GNB1: variants seen among roughly 807,000 people sequenced by gnomAD.
GNB1 encodes G protein subunit beta 1, also known as guanine nucleotide-binding protein G(I)/G(S)/G(T) subunit beta-1.
In GNB1, 2 loss-of-function variants were observed where a neutral mutation model predicts 42.9. That is an observed-to-expected ratio of 0.05 (90% CI 0.02 to 0.15). The LOEUF is 0.15. Among genes scored for constraint, GNB1 ranks in the 10% least tolerant of loss-of-function variants. The pLI, the probability that GNB1 is intolerant of heterozygous loss-of-function variation, is 1.00. For synonymous variants in GNB1, 183 were observed against 174.7 expected (o/e 1.05, Z -0.38); for missense variants, 193 against 462.2 (o/e 0.42, Z 5.34).
chr1:1,871,392 G>A (rs368860604), intron 1 of GNB1, among the ~76,000 whole-genome samples: 43 of 152,024 alleles, frequency 2.8e-4, no homozygotes, highest in Admixed American at 3.3e-4. Context: ...CGTAGGAGGC[G>A]GAGGTTGCAG....
At chr1:1,804,389 C>T (rs766032760) in intron 7 of GNB1, 30 bp downstream of exon 7, 2 of 1,560,848 alleles carry the variant, frequency 1.3e-6, no homozygotes, top group Non-Finnish European at 1.8e-6. Context: ...CAGCTTGTGT[C>T]ACTTGAAGCT....
intron 4 of GNB1, among the ~76,000 whole-genome samples, chr1:1,816,644 CTTTTTTTT>C (rs59065707): frequency 9.2e-6 from 1 of 108,638 alleles, no homozygotes; most frequent in African/African-American, 3.2e-5. Context: ...TTTTTATTAT[CTTTTTTTT>C]TTTTTTTTTT....
chr1:1,883,173 G>C (rs1649948033), intron 1 of GNB1, among the ~76,000 whole-genome samples: 1 of 150,844 alleles, frequency 6.6e-6, no homozygotes, highest in Non-Finnish European at 1.5e-5. Context: ...TTGTGAGACT[G>C]AGAGAAGAAG....
intron 1 of GNB1, among the ~76,000 whole-genome samples, chr1:1,877,328 T>TACAC (rs1209756656): frequency 6.2e-4 from 91 of 147,732 alleles, no homozygotes; most frequent in East Asian, 2.9e-3. Flanking sequence ...TATATATATA[T>TACAC]ATACACACAC....
chr1:1,862,805 G>C (rs915384971), intron 1 of GNB1, among the ~76,000 whole-genome samples: 2 of 152,114 alleles, frequency 1.3e-5, no homozygotes, highest in African/African-American at 4.8e-5. Context: ...CAGCAGAAAG[G>C]TAAGGAAGCT....
At chr1:1,860,038 C>T (rs1197501261) in intron 1 of GNB1, among the ~76,000 whole-genome samples, 1 of 151,824 alleles carries the variant, frequency 6.6e-6, no homozygotes, top group Non-Finnish European at 1.5e-5. Flanking sequence ...CACATGTACC[C>T]TAGAACTTAA....
intron 1 of GNB1, among the ~76,000 whole-genome samples, chr1:1,886,443 C>G (rs1650162870): frequency 6.6e-6 from 1 of 152,192 alleles, no homozygotes; most frequent in South Asian, 2.1e-4. Flanking sequence ...TGCTCTGTCC[C>G]TCTCCCAGAG....
chr1:1,889,643 A>G (rs1650358818), intron 1 of GNB1, among the ~76,000 whole-genome samples: 1 of 150,240 alleles, frequency 6.7e-6, no homozygotes, highest in Admixed American at 6.6e-5. Flanking sequence ...CTCTTTTACA[A>G]AGAGATCCCA....
chr1:1,879,523 G>A (rs185901400), intron 1 of GNB1, among the ~76,000 whole-genome samples: 10 of 152,080 alleles, frequency 6.6e-5, no homozygotes, highest in Admixed American at 2.6e-4. Flanking sequence ...TGCCTAACAC[G>A]GTGAAACCCT....
intron 1 of GNB1, among the ~76,000 whole-genome samples, chr1:1,883,465 C>T (rs1003054619): frequency 1.3e-5 from 2 of 152,082 alleles, no homozygotes; most frequent in African/African-American, 2.4e-5. Context: ...TCTCAGTAAA[C>T]TGTCATCTTA....
chr1:1,887,747 C>G (rs1017087462), intron 1 of GNB1, among the ~76,000 whole-genome samples: 1 of 152,146 alleles, frequency 6.6e-6, no homozygotes, highest in African/African-American at 2.4e-5. Flanking sequence ...TCCCGAGTAG[C>G]TGGGATTACA....
intron 5 of GNB1, among the ~76,000 whole-genome samples, chr1:1,812,295 A>G (rs561372374): frequency 6.6e-6 from 1 of 151,964 alleles, no homozygotes; most frequent in African/African-American, 2.4e-5. Flanking sequence ...ATGTATTCCT[A>G]TGTAACAAAT....
intron 9 of GNB1, among the ~76,000 whole-genome samples, chr1:1,789,564 C>T (rs540357917): frequency 1.3e-4 from 20 of 152,198 alleles, no homozygotes; most frequent in African/African-American, 4.3e-4. Context: ...TGGCGGCGTG[C>T]GCCTGTAATC....
intron 1 of GNB1, among the ~76,000 whole-genome samples, chr1:1,842,792 T>C (rs1297138327): frequency 6.6e-6 from 1 of 152,210 alleles, no homozygotes; most frequent in African/African-American, 2.4e-5. Flanking sequence ...TTATGTGAAT[T>C]TCACCTCAGA....
rs1223207471 is a variant in GNB1, at chr1:1,825,475, A to G, written c.-22T>C. ...TCATCTTCCGATCTTAGTGCTCTTCAATGCCACCTTCAAGAATGTGAGATC... is the reference window on the plus strand; with the variant it reads ...TCATCTTCCGATCTTAGTGCTCTTCGATGCCACCTTCAAGAATGTGAGATC... On this transcript the variant is annotated 5_prime_UTR_variant, in exon 3 of 12. Coordinates refer to ENST00000378609, the MANE Select transcript of GNB1 (RefSeq NM_002074.5). 1.3e-6 allele frequency: 2 copies of G among 1,569,876 alleles called. No individual in the cohort carries two copies. Among genetic ancestry groups the G allele is most frequent in the Non-Finnish European group, 1.8e-6 (2 of 1,139,876 alleles).
chr1:1,811,502 G>A (rs1217459788), intron 5 of GNB1, among the ~76,000 whole-genome samples: 1 of 151,874 alleles, frequency 6.6e-6, no homozygotes, highest in Non-Finnish European at 1.5e-5. Context: ...AGACCACCCT[G>A]GCTAACACGG....
intron 2 of GNB1, among the ~76,000 whole-genome samples, chr1:1,826,759 C>T (rs1647004851): frequency 6.6e-6 from 1 of 152,198 alleles, no homozygotes; most frequent in Non-Finnish European, 1.5e-5. Context: ...TCGCCCTACT[C>T]ACGTTAGACA....
At chr1:1,798,381 G>A (rs1332602565) in intron 7 of GNB1, among the ~76,000 whole-genome samples, 1 of 152,190 alleles carries the variant, frequency 6.6e-6, no homozygotes, top group African/African-American at 2.4e-5. Context: ...AAAAAAATCC[G>A]CTATTTTCAT....
At chr1:1,855,263 G>T (rs1430852126) in intron 1 of GNB1, among the ~76,000 whole-genome samples, 2 of 149,368 alleles carry the variant, frequency 1.3e-5, no homozygotes, top group East Asian at 3.9e-4. Context: ...GGAAGCTGCA[G>T]TGAGCTGAGA....
Sources: allele counts gnomAD v4.1 joint callset (sites outside exome capture counted in the v4.1 genomes callset), GRCh38; gene constraint gnomAD v4.1.1; transcripts MANE v1.5; gene names NCBI Gene and HGNC (gene_info 2026-07-23, HGNC 2026-07-21).